The following TMPRSS15 variants were observed in gnomAD, a reference collection of about 807,000 sequenced individuals.
TMPRSS15 encodes the protein enteropeptidase.
In TMPRSS15, 128 loss-of-function variants were observed where a neutral mutation model predicts 125.3. The ratio of observed to expected loss-of-function variants is 1.02; its 90% CI spans 0.89 to 1.18. The LOEUF (loss-of-function observed/expected upper bound fraction) is 1.18, where lower values mean the gene tolerates loss of function less well. Ranked by LOEUF, TMPRSS15 falls within the 50% of genes most tolerant of loss-of-function variation. The probability of loss-of-function intolerance (pLI) is 0.00; values close to 1 mark genes in which losing one functional copy is unlikely to be tolerated. For synonymous variants in TMPRSS15, 446 were observed against 423.2 expected (o/e 1.05, Z -0.66); for missense variants, 1,283 against 1,212.7 (o/e 1.06, Z -0.86).
At chr21:18,404,434 T>A (rs886338524), upstream of TMPRSS15, among the ~76,000 whole-genome samples, 2 of 152,182 alleles carry the variant, frequency 1.3e-5, no homozygotes, top group African/African-American at 2.4e-5. Flanking sequence ...TGCCCTGGAC[T>A]TTATCTCTTT....
At position 18,326,475 on chromosome 21, in the gene TMPRSS15, C is replaced by G. The variant is rs2075292112; in HGVS notation, c.1878G>C (p.Gly626=). 1 of 1,614,012 alleles carries G rather than the reference C, an allele frequency of 6.2e-7. No homozygotes were observed. The highest frequency in any genetic ancestry group is 1.3e-5 in the African/African-American group (1 of 74,918). Residue 626 remains glycine (G), a synonymous_variant, in exon 16 of 25, where the codon GGG becomes GGC. Transcript: ENST00000284885. The part of the protein sequence containing the change: ...LITNDVLARG[G]FKANFTTGYH... ...AGCCAGTAGTAAAGTTTGCTTTAAACCCTCCTCTTGCCAACACATCGTTAG... is the reference window on the plus strand; with the variant it reads ...AGCCAGTAGTAAAGTTTGCTTTAAAGCCTCCTCTTGCCAACACATCGTTAG...
chr21:18,399,623 T>A (rs1430583869), intron 1 of TMPRSS15, among the ~76,000 whole-genome samples: 1 of 152,074 alleles, frequency 6.6e-6, no homozygotes, highest in Non-Finnish European at 1.5e-5. Context: ...CTGGTGAAAT[T>A]TGAATAAAGT....
intron 1 of TMPRSS15, chr21:18,460,740 A>G (rs1244837426): frequency 6.6e-6 from 1 of 152,170 alleles, no homozygotes; most frequent in East Asian, 1.9e-4. Context: ...AACTGATTGG[A>G]TGAGACTCAT....
At chr21:18,481,727 TCTC>T (rs1050242270) in intron 1 of TMPRSS15, among the ~76,000 whole-genome samples, 1 of 151,772 alleles carries the variant, frequency 6.6e-6, no homozygotes, top group African/African-American at 2.4e-5. Context: ...TTTACTCCTT[TCTC>T]CTATTTTAAC....
At chr21:18,442,315 C>T (rs1601464319) in intron 1 of TMPRSS15, among the ~76,000 whole-genome samples, 1 of 152,078 alleles carries the variant, frequency 6.6e-6, no homozygotes, top group Admixed American at 6.5e-5. Flanking sequence ...ATGGGCTTGA[C>T]GTATTTGCTA....
chr21:18,271,672 C>T (rs1305577356), intron 24 of TMPRSS15, among the ~76,000 whole-genome samples: 1 of 151,886 alleles, frequency 6.6e-6, no homozygotes, highest in Non-Finnish European at 1.5e-5. Context: ...CATAGGTATA[C>T]GTGTGCCATG....
intron 1 of TMPRSS15, among the ~76,000 whole-genome samples, chr21:18,425,636 AT>A (rs1176208643): frequency 5.9e-5 from 9 of 152,028 alleles, no homozygotes; most frequent in Non-Finnish European, 1.0e-4. Context: ...GTATTTATGT[AT>A]CTGTGTAGAT....
chr21:18,281,956 G>A (rs191419272), intron 21 of TMPRSS15, among the ~76,000 whole-genome samples: 43 of 151,862 alleles, frequency 2.8e-4, no homozygotes, highest in Admixed American at 1.6e-3. Flanking sequence ...AATCAGCCGG[G>A]CGTGGTGGTG....
At position 18,373,236 on chromosome 21, in the gene TMPRSS15, T is replaced by A. The variant is rs1218277993; in HGVS notation, c.533-912A>T. ...TGGAAAATAAAAATGCCCATGTCAATGAATCTACTAAGTTACTTCTTAATT... is the reference window on the plus strand; with the variant it reads ...TGGAAAATAAAAATGCCCATGTCAAAGAATCTACTAAGTTACTTCTTAATT... On this transcript the variant is annotated intron_variant, in intron 5 of 24. Transcript: ENST00000284885. 3.3e-5 allele frequency among the ~76,000 whole-genome samples: 5 copies of A among 152,134 alleles called. 1 individual carries two copies. The South Asian group carries it at 6.2e-4, about 19-fold the overall frequency.
At chr21:18,345,516 C>T (rs1377050931) in intron 10 of TMPRSS15, among the ~76,000 whole-genome samples, 1 of 151,010 alleles carries the variant, frequency 6.6e-6, no homozygotes, top group Non-Finnish European at 1.5e-5. Context: ...CCGAGGCGGG[C>T]GGATCACGAG....
intron 21 of TMPRSS15, among the ~76,000 whole-genome samples, chr21:18,285,139 C>T (rs1368711687): frequency 6.6e-6 from 1 of 152,194 alleles, no homozygotes; most frequent in African/African-American, 2.4e-5. Context: ...AAAACATACA[C>T]TCCTGGTCTC....
chr21:18,314,378 A>C (rs780836532), intron 17 of TMPRSS15, among the ~76,000 whole-genome samples: 18 of 152,146 alleles, frequency 1.2e-4, no homozygotes, highest in Non-Finnish European at 1.9e-4. Flanking sequence ...TCCCAGGTTC[A>C]AGCGATTCTC....
At chr21:18,305,510 C>G (rs534178063) in intron 18 of TMPRSS15, among the ~76,000 whole-genome samples, 28 of 152,196 alleles carry the variant, frequency 1.8e-4, no homozygotes, top group African/African-American at 6.3e-4. Context: ...ATAAATTTAT[C>G]CCAGGTGATT....
At position 18,297,779 on chromosome 21, in the gene TMPRSS15, A is replaced by G. The variant is rs1438371477; in HGVS notation, c.2216T>C (p.Val739Ala). The G allele has an allele frequency of 6.2e-7, 1 of 1,613,872 alleles. No individual in the cohort carries two copies. The highest frequency in any genetic ancestry group is 8.5e-7 in the Non-Finnish European group (1 of 1,179,812). ...PIFPTDGGPF[V>A]KLNTAPDGHL... is the part of the protein sequence containing the mutation. ...GCCATCAGGTGCTGTGTTTAATTTG[A>G]CAAATGGTCCACCATCGGTAGGGAA... Residue 739 changes from valine to alanine, a missense_variant, in exon 19 of 25, where the codon GTC (valine) becomes GCC (alanine). Val to Ala is a moderately conservative substitution (Grantham distance 64). Coordinates refer to ENST00000284885, the MANE Select transcript of TMPRSS15 (RefSeq NM_002772.3).
intron 1 of TMPRSS15, among the ~76,000 whole-genome samples, chr21:18,456,708 AATAC>A (rs1357588854): frequency 6.6e-6 from 1 of 152,134 alleles, no homozygotes; most frequent in East Asian, 1.9e-4. Context: ...TAAATAATTT[AATAC>A]ATACGTAGTG....
intron 1 of TMPRSS15, among the ~76,000 whole-genome samples, chr21:18,439,932 T>C (rs200916293): frequency 6.6e-6 from 1 of 152,172 alleles, no homozygotes; most frequent in Non-Finnish European, 1.5e-5. Context: ...AGGCACAAAA[T>C]GTTTTCATGA....
intron 6 of TMPRSS15, among the ~76,000 whole-genome samples, chr21:18,365,945 G>C (rs2075732958): frequency 6.6e-6 from 1 of 151,648 alleles, no homozygotes; most frequent in Admixed American, 6.6e-5. Flanking sequence ...ATGTTGGCCA[G>C]GCTGGTCTCG....
chr21:18,466,187 G>C (rs11910065), intron 1 of TMPRSS15, among the ~76,000 whole-genome samples: 2 of 152,160 alleles, frequency 1.3e-5, no homozygotes, highest in Non-Finnish European at 2.9e-5. Context: ...AATAAATGGT[G>C]TTGGGAAAAC....
chr21:18,429,353 T>C lies in TMPRSS15; in HGVS notation c.11-31024A>G, dbSNP rs1288816212. Among the ~76,000 whole-genome samples, 13 of 152,036 alleles carry C rather than the reference T, an allele frequency of 8.6e-5. 1 individual carries two copies. Among genetic ancestry groups the C allele is most frequent in the Admixed American group, 8.5e-4 (13 of 15,260 alleles). ...TTGGGGGACTGTTGGGAAGGCATGA[T>C]TGGTTTTGAAATGTGGGGACATGAG... On this transcript the variant is annotated intron_variant, in intron 1 of 7. Coordinates refer to the TMPRSS15 transcript ENST00000422787.
Sources: gnomAD v4.1 joint callset for allele counts (sites outside exome capture counted in the v4.1 genomes callset) on GRCh38, gnomAD v4.1.1 for gene constraint, MANE v1.5 for transcripts, NCBI Gene and HGNC (gene_info 2026-07-23, HGNC 2026-07-21) for gene names.